The following NRXN3 variants were observed in gnomAD, a reference collection of about 807,000 sequenced individuals.
NRXN3 encodes neurexin 3.
In NRXN3, 32 loss-of-function variants were observed where a neutral mutation model predicts 137.6. That is an observed-to-expected ratio of 0.23 (90% CI 0.18 to 0.31). The LOEUF is 0.31. NRXN3 is among the 10% of genes least tolerant of loss of function. The pLI is 1.00. For synonymous variants in NRXN3, 798 were observed against 784.5 expected, an observed-to-expected ratio of 1.02 and a Z score of -0.29; for missense variants, 1,574 against 2,062.5, an observed-to-expected ratio of 0.76 and a Z score of 4.59.
intron 4 of NRXN3, among the ~76,000 whole-genome samples, chr14:78,512,780 A>T (rs192615547): frequency 6.6e-5 from 10 of 152,328 alleles, no homozygotes; most frequent in African/African-American, 2.4e-4. Context: ...AGAGATAAAA[A>T]AGGAACCTGC....
At chr14:78,296,443 A>G (rs2076349312) in intron 3 of NRXN3, among the ~76,000 whole-genome samples, 1 of 152,026 alleles carries the variant, frequency 6.6e-6, no homozygotes, top group Admixed American at 6.6e-5. Context: ...AAGAACCTTT[A>G]TTTCTATGGA....
intron 19 of NRXN3, among the ~76,000 whole-genome samples, chr14:79,708,582 C>T (rs117782525): frequency 8.0e-4 from 121 of 151,792 alleles, no homozygotes; most frequent in Non-Finnish European, 1.5e-3. Flanking sequence ...ACTTGCCAGG[C>T]ATCAAGGCGG....
intron 4 of NRXN3, among the ~76,000 whole-genome samples, chr14:78,581,703 C>T (rs2096999136): frequency 6.6e-6 from 1 of 152,212 alleles, no homozygotes; most frequent in South Asian, 2.1e-4. Flanking sequence ...GACATTCCTT[C>T]CTCTGCTCTC....
intron 4 of NRXN3, among the ~76,000 whole-genome samples, chr14:78,503,533 T>C (rs971655986): frequency 6.6e-6 from 1 of 152,032 alleles, no homozygotes; most frequent in Non-Finnish European, 1.5e-5. Flanking sequence ...CCCAAAGCAA[T>C]AACTTGGGGT....
chr14:79,181,512 G>A lies in NRXN3; in HGVS notation c.3262+193371G>A, dbSNP rs375965741. ...AGCCTGGCCAACATGATGAAAACCC[G>A]TCTCTACTAAAAACACAAAAATTAG... On this transcript the variant is annotated intron_variant, in intron 15 of 20. Transcript: ENST00000335750. Among the ~76,000 whole-genome samples, 521 of 151,848 alleles carry A rather than the reference G, an allele frequency of 3.4e-3. 2 individuals carry two copies. Among genetic ancestry groups the A allele is most frequent in the African/African-American group, 0.011 (467 of 41,406 alleles).
chr14:78,508,992 A>G (rs1300102154), intron 4 of NRXN3, among the ~76,000 whole-genome samples: 1 of 152,142 alleles, frequency 6.6e-6, no homozygotes, highest in Non-Finnish European at 1.5e-5. Flanking sequence ...AAAATATCAT[A>G]TTTTATTTTC....
intron 4 of NRXN3, among the ~76,000 whole-genome samples, chr14:78,459,350 G>C (rs1166613744): frequency 6.6e-6 from 1 of 152,148 alleles, no homozygotes; most frequent in Non-Finnish European, 1.5e-5. Context: ...GGAGATATTG[G>C]CAGAGCAAAT....
In NRXN3 at chr14:78,757,600, T is replaced by A. The variant is rs2098674906; in HGVS notation, c.2044+42461T>A. ...ATCTGTCTTCAAAACACTGAAACTC[T>A]GCATTTCCCAAAGGAGGATGGCTAA... On this transcript the variant is annotated intron_variant, in intron 8 of 20. Transcript: ENST00000335750. Among the ~76,000 whole-genome samples, 3 of 152,170 alleles carry A rather than the reference T, an allele frequency of 2.0e-5. No individual in the cohort carries two copies. In the South Asian group the frequency reaches 6.2e-4, roughly 32 times the overall value.
intron 4 of NRXN3, among the ~76,000 whole-genome samples, chr14:78,558,218 A>C (rs1347877048): frequency 6.6e-6 from 1 of 152,178 alleles, no homozygotes; most frequent in African/African-American, 2.4e-5. Context: ...ATCAGAAAAC[A>C]AGAGACCCAA....
intron 16 of NRXN3, chr14:79,661,621 G>A (rs925208557): frequency 2.6e-5 from 4 of 152,100 alleles, no homozygotes; most frequent in Admixed American, 6.6e-5. Flanking sequence ...TTTTGTATTT[G>A]TGTATTTAAT....
chr14:79,557,513 C>T (rs1372026967), intron 16 of NRXN3, among the ~76,000 whole-genome samples: 1 of 152,070 alleles, frequency 6.6e-6, no homozygotes, highest in African/African-American at 2.4e-5. Context: ...TGATTATTGC[C>T]ATAAAGTGAG....
At chr14:79,856,789 C>T (rs1178325549) in intron 20 of NRXN3, among the ~76,000 whole-genome samples, 1 of 152,024 alleles carries the variant, frequency 6.6e-6, no homozygotes, top group African/African-American at 2.4e-5. Flanking sequence ...TACAAATACA[C>T]TCATAAAGCA....
chr14:79,385,509 A>G (rs571655831), intron 15 of NRXN3, among the ~76,000 whole-genome samples: 2 of 152,132 alleles, frequency 1.3e-5, no homozygotes, highest in East Asian at 3.9e-4. Flanking sequence ...TTTTTTGTTA[A>G]GTGGCTAATG....
At chr14:78,360,556 T>C (rs1039477584) in intron 4 of NRXN3, among the ~76,000 whole-genome samples, 44 of 152,176 alleles carry the variant, frequency 2.9e-4, no homozygotes, top group Non-Finnish European at 1.5e-4. Flanking sequence ...CATGTAGCCC[T>C]GGGTGCCTAG....
intron 17 of NRXN3, among the ~76,000 whole-genome samples, chr14:79,676,176 G>A (rs980200318): frequency 3.3e-5 from 5 of 151,960 alleles, no homozygotes; most frequent in African/African-American, 1.2e-4. Context: ...TCTGAGGATG[G>A]ACTAGCCCAC....
intron 4 of NRXN3, among the ~76,000 whole-genome samples, chr14:78,584,135 C>G (rs1402873254): frequency 2.6e-5 from 4 of 152,142 alleles, no homozygotes; most frequent in Admixed American, 2.6e-4. Context: ...ATCACTAAAC[C>G]ATGTCACCTC....
chr14:79,793,885 A>G (rs1175235186), intron 19 of NRXN3, among the ~76,000 whole-genome samples: 3 of 152,316 alleles, frequency 2.0e-5, no homozygotes, highest in East Asian at 1.9e-4. Flanking sequence ...GTCATAGCCC[A>G]TATATGCATG....
intron 15 of NRXN3, among the ~76,000 whole-genome samples, chr14:79,128,572 G>T (rs949417651): frequency 2.6e-5 from 4 of 150,956 alleles, no homozygotes; most frequent in East Asian, 1.9e-4. Context: ...TGCTGGATTC[G>T]GTTTGCCAGT....
At chr14:79,627,887 A>G (rs1379465133) in intron 16 of NRXN3, among the ~76,000 whole-genome samples, 4 of 152,216 alleles carry the variant, frequency 2.6e-5, no homozygotes, top group African/African-American at 9.6e-5. Context: ...GACAATTTTC[A>G]ATACAAATAG....
Sources: allele counts gnomAD v4.1 joint callset (sites outside exome capture counted in the v4.1 genomes callset), GRCh38; gene constraint gnomAD v4.1.1; transcripts MANE v1.5; gene names NCBI Gene and HGNC (gene_info 2026-07-23, HGNC 2026-07-21).